The following DLC1 variants were observed in gnomAD, a reference collection of about 807,000 sequenced individuals.
DLC1 encodes the protein rho GTPase-activating protein 7.
Under a neutral mutation model 140.3 loss-of-function variants are expected in DLC1, and 54 were observed. That is an observed-to-expected ratio of 0.38 (90% CI 0.31 to 0.48). The LOEUF (loss-of-function observed/expected upper bound fraction) is 0.48, where lower values mean the gene tolerates loss of function less well. Ranked by LOEUF, DLC1 falls within the 20% of genes least tolerant of loss-of-function variation. The pLI, the probability that DLC1 is intolerant of heterozygous loss-of-function variation, is 0.96. For missense variants in DLC1, 2,536 were observed against 1,907.0 expected (o/e 1.33, Z -6.14); for synonymous variants, 986 against 728.1 (o/e 1.35, Z -5.70).
At chr8:13,500,612 T>C (rs987232553) in intron 1 of DLC1, among the ~76,000 whole-genome samples, 1 of 152,236 alleles carries the variant, frequency 6.6e-6, no homozygotes, top group Non-Finnish European at 1.5e-5. Context: ...CTGTTTGGTT[T>C]GAATCACAGC....
At chr8:13,470,234 C>G (rs1026853099) in intron 2 of DLC1, among the ~76,000 whole-genome samples, 2 of 152,154 alleles carry the variant, frequency 1.3e-5, no homozygotes, top group Admixed American at 1.3e-4. Flanking sequence ...ATTTATTTCT[C>G]AAAGGGCTTT....
intron 5 of DLC1, among the ~76,000 whole-genome samples, chr8:13,211,755 T>C (rs1444711018): frequency 1.3e-5 from 2 of 152,174 alleles, no homozygotes; most frequent in African/African-American, 4.8e-5. Context: ...GTAATTGAAA[T>C]GATTTGTTAC....
intron 5 of DLC1, among the ~76,000 whole-genome samples, chr8:13,212,372 C>G (rs1827989538): frequency 6.6e-6 from 1 of 152,140 alleles, no homozygotes; most frequent in Non-Finnish European, 1.5e-5. Flanking sequence ...TTGGAACAAT[C>G]AGGAATTACT....
At chr8:13,587,018 A>C (rs925877170) in intron 1 of DLC1, among the ~76,000 whole-genome samples, 1 of 151,828 alleles carries the variant, frequency 6.6e-6, no homozygotes, top group Non-Finnish European at 1.5e-5. Context: ...GTAGAGAGTT[A>C]GAAATATATG....
chr8:13,376,032 T>G (rs1165121985), intron 4 of DLC1, among the ~76,000 whole-genome samples: 2 of 152,198 alleles, frequency 1.3e-5, no homozygotes, highest in Non-Finnish European at 2.9e-5. Context: ...GTTTAAATCA[T>G]GTTGCTCCAA....
intron 4 of DLC1, among the ~76,000 whole-genome samples, chr8:13,338,077 C>A (rs1347796035): frequency 6.6e-6 from 1 of 152,156 alleles, no homozygotes; most frequent in East Asian, 1.9e-4. Context: ...GTTGCCATAA[C>A]ATTGCTTTGC....
At chr8:13,335,033 C>T (rs932927618) in intron 4 of DLC1, among the ~76,000 whole-genome samples, 1 of 152,026 alleles carries the variant, frequency 6.6e-6, no homozygotes, top group Non-Finnish European at 1.5e-5. Flanking sequence ...CTGTGCTAAG[C>T]CAAGGAGGGA....
intron 2 of DLC1, among the ~76,000 whole-genome samples, chr8:13,441,876 A>G (rs1050921326): frequency 5.3e-5 from 8 of 152,216 alleles, no homozygotes; most frequent in Non-Finnish European, 7.3e-5. Context: ...TATGGAACCA[A>G]AAAAGGGCCT....
At chr8:13,160,649 G>T (rs549241776) in intron 5 of DLC1, among the ~76,000 whole-genome samples, 1 of 152,144 alleles carries the variant, frequency 6.6e-6, no homozygotes, top group African/African-American at 2.4e-5. Context: ...CTTCTAAACC[G>T]CAGAAAGCTT....
At chr8:13,190,938 A>G (rs1826716611) in intron 5 of DLC1, among the ~76,000 whole-genome samples, 1 of 152,100 alleles carries the variant, frequency 6.6e-6, no homozygotes, top group African/African-American at 2.4e-5. Context: ...GGCCTGAGGA[A>G]AAATCTGGAA....
intron 2 of DLC1, among the ~76,000 whole-genome samples, chr8:13,425,571 G>T (rs1469405314): frequency 6.6e-6 from 1 of 152,118 alleles, no homozygotes; most frequent in Non-Finnish European, 1.5e-5. Context: ...CAGAAGGGGA[G>T]AGGGATGTTA....
chr8:13,514,479 T>A, intron 1 of DLC1, 123 bp downstream of exon 1: 1 of 397,456 alleles, frequency 2.5e-6, no homozygotes. Context: ...CACTTCTGAT[T>A]TTATGGCTTT....
intron 5 of DLC1, among the ~76,000 whole-genome samples, chr8:13,213,201 A>G (rs1229565853): frequency 6.6e-6 from 1 of 152,206 alleles, no homozygotes; most frequent in Non-Finnish European, 1.5e-5. Context: ...TTCTTCAGAC[A>G]TTTTTGGCTG....
At chr8:13,211,395 T>C (rs189103102) in intron 5 of DLC1, among the ~76,000 whole-genome samples, 18 of 152,258 alleles carry the variant, frequency 1.2e-4, no homozygotes, top group Admixed American at 1.0e-3. Flanking sequence ...GCTCTGTCTA[T>C]GGAACACCGT....
chr8:13,555,862 C>T (rs1478160929), intron 1 of DLC1, among the ~76,000 whole-genome samples: 1 of 151,766 alleles, frequency 6.6e-6, no homozygotes, highest in Non-Finnish European at 1.5e-5. Flanking sequence ...ATTTTTGTTA[C>T]ATATTAATGG....
At position 13,464,364 on chromosome 8, in the gene DLC1, G is replaced by A. The variant is rs187000558; in HGVS notation, c.1023+34685C>T. Reference sequence around the variant, plus strand: ...ATTATAAGTCATTATCCTTGCCTTTGAGCATTTGCAATCTAATTAGGAAAC... The same window carrying A: ...ATTATAAGTCATTATCCTTGCCTTTAAGCATTTGCAATCTAATTAGGAAAC... On this transcript the variant is annotated intron_variant, in intron 2 of 17. Transcript: ENST00000276297. Among the ~76,000 whole-genome samples the A allele has an allele frequency of 2.9e-4, 44 of 152,214 alleles. 1 individual carries two copies. The East Asian group carries it at 4.6e-3, about 16-fold the overall frequency.
chr8:13,186,391 AT>A (rs200705854), intron 5 of DLC1, among the ~76,000 whole-genome samples: 1,701 of 152,032 alleles, frequency 0.011, 41 homozygotes, highest in African/African-American at 0.038. Context: ...ACTTTATTTC[AT>A]TAATTTGATC....
In DLC1 at chr8:13,099,368, G is replaced by C. The variant is rs755315187; in HGVS notation, c.2969C>G (p.Ala990Gly). Residue 990 changes from alanine to glycine, a missense_variant, in exon 9 of 18, where the codon GCT becomes GGT. By Grantham distance (60) the Ala-to-Gly change is moderately conservative. Transcript: ENST00000276297. ...IPERRDSGVG[A>G]SLTRSNRHRL... ...TTACCTGTTGGACCTGGTTAGGGAA[G>C]CCCCAACCCCAGAATCCCTTCTTTC... The C allele has an allele frequency of 2.3e-5, 37 of 1,613,668 alleles. No homozygotes were observed. The South Asian group carries it at 4.0e-4, about 17-fold the overall frequency.
At chr8:13,462,461 T>C (rs1222037188) in intron 2 of DLC1, among the ~76,000 whole-genome samples, 9 of 150,622 alleles carry the variant, frequency 6.0e-5, no homozygotes, top group African/African-American at 2.0e-4. Flanking sequence ...TGGAGTGCAG[T>C]GGCGCGATCT....
Sources: allele counts gnomAD v4.1 joint callset (sites outside exome capture counted in the v4.1 genomes callset), GRCh38; gene constraint gnomAD v4.1.1; transcripts MANE v1.5; gene names NCBI Gene and HGNC (gene_info 2026-07-23, HGNC 2026-07-21).